SEL1L3: variants seen among roughly 807,000 people sequenced by gnomAD.
The protein encoded by SEL1L3 is SEL1L family member 3.
SEL1L3 carries 76 observed loss-of-function variants against 142.8 expected under a neutral mutation model. That is an observed-to-expected ratio of 0.53 (90% CI 0.44 to 0.64). The LOEUF (loss-of-function observed/expected upper bound fraction) is 0.64. Ranked by LOEUF, SEL1L3 falls within the 30% of genes least tolerant of loss-of-function variation. The pLI, the probability that SEL1L3 is intolerant of heterozygous loss-of-function variation, is 0.00. For synonymous variants in SEL1L3, 504 were observed against 519.6 expected (o/e 0.97, Z 0.41); for missense variants, 1,262 against 1,381.7 (o/e 0.91, Z 1.37).
chr4:25,729,607 G>T, the SEL1L3 span, among the ~76,000 whole-genome samples: 1 of 152,096 alleles, frequency 6.6e-6, no homozygotes, highest in Non-Finnish European at 1.5e-5. Flanking sequence ...CCAGCTACCC[G>T]GGAGGCTGAG....
chr4:25,817,754 T>A (rs1714483588), intron 9 of SEL1L3, among the ~76,000 whole-genome samples: 1 of 152,196 alleles, frequency 6.6e-6, no homozygotes. Context: ...TCTTCTTTTT[T>A]TTTAAAAAGC....
intron 23 of SEL1L3, among the ~76,000 whole-genome samples, chr4:25,752,225 C>T (rs187452259): frequency 6.7e-6 from 1 of 148,714 alleles, no homozygotes; most frequent in Admixed American, 6.7e-5. Context: ...AAGACCAGCA[C>T]AGCCAACATG....
At chr4:25,776,596 A>G (rs1719646778) in intron 16 of SEL1L3, 1 of 463,816 alleles carries the variant, frequency 2.2e-6, no homozygotes, top group African/African-American at 2.0e-5. Flanking sequence ...AAAGACATGT[A>G]AGATACATAA....
the SEL1L3 span, among the ~76,000 whole-genome samples, chr4:25,736,183 C>T: frequency 0.015 from 2,058 of 133,986 alleles, 50 homozygotes; most frequent in African/African-American, 0.051. Flanking sequence ...AATTCATTTC[C>T]GTTGTGGTCA....
At chr4:25,825,234 T>C (rs533255902) in intron 6 of SEL1L3, among the ~76,000 whole-genome samples, 2 of 152,222 alleles carry the variant, frequency 1.3e-5, no homozygotes, top group Non-Finnish European at 2.9e-5. Flanking sequence ...ATAGGATATA[T>C]GTCCAGCTTG....
chr4:25,797,227 G>C (rs1486150919), intron 11 of SEL1L3, among the ~76,000 whole-genome samples: 1 of 151,650 alleles, frequency 6.6e-6, no homozygotes, highest in Non-Finnish European at 1.5e-5. Context: ...TTGCAGCTGA[G>C]GAGCGAAGCC....
intron 13 of SEL1L3, among the ~76,000 whole-genome samples, chr4:25,787,397 T>A (rs369684621): frequency 6.6e-5 from 10 of 152,336 alleles, no homozygotes; most frequent in Middle Eastern, 3.4e-3. Context: ...CTTGGCTCAC[T>A]GCAACCTCTG....
chr4:25,785,654 C>A (rs962248025), intron 13 of SEL1L3, among the ~76,000 whole-genome samples: 1 of 152,130 alleles, frequency 6.6e-6, no homozygotes, highest in East Asian at 1.9e-4. Context: ...AATGGCACCA[C>A]TGCTTCATTT....
At chr4:25,722,623 G>GTTTTTTTTTT in the SEL1L3 span, among the ~76,000 whole-genome samples, 1 of 125,106 alleles carries the variant, frequency 8.0e-6, no homozygotes. Flanking sequence ...TCCAAAGGAG[G>GTTTTTTTTTT]CTTTTTTTTT....
At chr4:25,825,956 G>A (rs1715070086) in intron 6 of SEL1L3, among the ~76,000 whole-genome samples, 1 of 152,024 alleles carries the variant, frequency 6.6e-6, no homozygotes, top group African/African-American at 2.4e-5. Context: ...ACAGGCATAA[G>A]CCACCACGCC....
At chr4:25,729,128 G>C in the SEL1L3 span, among the ~76,000 whole-genome samples, 1 of 152,102 alleles carries the variant, frequency 6.6e-6, no homozygotes, top group Admixed American at 6.6e-5. Flanking sequence ...TTGATGCCAA[G>C]GCTGGACTCC....
chr4:25,847,759 CAA>C lies in SEL1L3; in HGVS notation c.266_267del (p.Phe89Ter). On this transcript the variant is annotated frameshift_variant, in exon 2 of 24. Transcript: ENST00000399878. LOFTEE classifies it high-confidence loss of function. Reference sequence around the variant, plus strand: ...TCAGAAACGTTGCGAACGTTTCCTTCAAAGACAGTAAAATAAATAAAGTCTTT... The same window carrying C: ...TCAGAAACGTTGCGAACGTTTCCTTCAGACAGTAAAATAAATAAAGTCTTT... ...AYKDFIYFTV[F>X]EGNVRNVSEV... is the part of the protein sequence containing the mutation. 1.2e-6 allele frequency: 2 copies of C among 1,613,732 alleles called. No homozygotes were observed. Among genetic ancestry groups the C allele is most frequent in the Non-Finnish European group, 1.7e-6 (2 of 1,179,776 alleles).
intron 17 of SEL1L3, among the ~76,000 whole-genome samples, chr4:25,772,984 A>G (rs993683202): frequency 2.0e-5 from 3 of 152,228 alleles, no homozygotes; most frequent in South Asian, 4.2e-4. Flanking sequence ...TTTAGTCGAG[A>G]TGGGGTTTCA....
chr4:25,763,777 C>A (rs1346065073), intron 20 of SEL1L3, among the ~76,000 whole-genome samples: 1 of 152,150 alleles, frequency 6.6e-6, no homozygotes, highest in Non-Finnish European at 1.5e-5. Context: ...GGGACCAAGG[C>A]TGCAGTGAGC....
At chr4:25,805,733 G>A (rs1019507571) in intron 9 of SEL1L3, among the ~76,000 whole-genome samples, 2 of 152,130 alleles carry the variant, frequency 1.3e-5, no homozygotes, top group African/African-American at 4.8e-5. Context: ...TTCAGCCAAC[G>A]AATGTTTACT....
chr4:25,862,799 T>C lies in SEL1L3; in HGVS notation c.38A>G (p.Gln13Arg), dbSNP rs7658209. Residue 13 changes from glutamine (Q) to arginine (R), a missense_variant, in exon 1 of 24, where the codon CAG (glutamine) becomes CGG (arginine). Physicochemically the swap from Gln to Arg is conservative, Grantham distance 43 (BLOSUM62 1). This residue lies in a region of SEL1L3 where 689 missense variants were observed against 692.8 expected (regional missense o/e 0.99). Coordinates refer to ENST00000399878, the MANE Select transcript of SEL1L3 (RefSeq NM_015187.5). ...GAGCGGCGGGGGTTGCTGCTGCTGC[T>C]GCCGCGGCCACCCGAGCCCCGCGCC... is the stretch of plus-strand genomic sequence containing the variant. ...RRGAGLGWPR[Q>R]QQQQPPPLAV... The C allele has an allele frequency of 2.8e-5, 33 of 1,172,508 alleles. No homozygotes were observed. The African/African-American group carries it at 5.0e-4, about 18-fold the overall frequency. 72.6% of individuals were successfully genotyped at this position (1,172,508 alleles called of 1,614,324 possible). A position where few individuals can be genotyped will look rare whatever the true frequency, so the allele number is the denominator to read the frequency against.
intron 11 of SEL1L3, among the ~76,000 whole-genome samples, chr4:25,799,104 T>C (rs1372259029): frequency 1.3e-5 from 2 of 152,094 alleles, no homozygotes; most frequent in African/African-American, 4.8e-5. Context: ...AGACAGAGTC[T>C]TGCTCTGTAG....
intron 21 of SEL1L3, among the ~76,000 whole-genome samples, chr4:25,758,160 T>A (rs1276330407): frequency 6.6e-6 from 1 of 152,288 alleles, no homozygotes; most frequent in African/African-American, 2.4e-5. Context: ...TAGGAATGCC[T>A]CATCTTTCAA....
At chr4:25,774,082 A>G (rs1436900747) in intron 17 of SEL1L3, among the ~76,000 whole-genome samples, 1 of 152,216 alleles carries the variant, frequency 6.6e-6, no homozygotes, top group African/African-American at 2.4e-5. Flanking sequence ...CCCAGTGTGT[A>G]AGGAACTGGG....
Sources: allele counts gnomAD v4.1 joint callset (sites outside exome capture counted in the v4.1 genomes callset), GRCh38; gene constraint gnomAD v4.1.1; regional missense constraint gnomAD v4.1.1; transcripts MANE v1.5; gene names NCBI Gene and HGNC (gene_info 2026-07-23, HGNC 2026-07-21).